PRPSAP2: variants seen among roughly 807,000 people sequenced by gnomAD.
The protein encoded by PRPSAP2 is phosphoribosyl pyrophosphate synthetase associated protein 2, also known as phosphoribosyl pyrophosphate synthase-associated protein 2.
A neutral mutation model predicts 40.6 loss-of-function variants in PRPSAP2; 24 were observed. That is an observed-to-expected ratio of 0.59 (90% confidence interval 0.43 to 0.83). The LOEUF (loss-of-function observed/expected upper bound fraction) is 0.83. Among genes scored for constraint, PRPSAP2 ranks in the 40% least tolerant of loss-of-function variants. The pLI is 0.00. For synonymous variants in PRPSAP2, 149 were observed against 164.7 expected, an observed-to-expected ratio of 0.90 and a Z score of 0.73; for missense variants, 292 against 465.6, an observed-to-expected ratio of 0.63 and a Z score of 3.43.
chr17:18,866,292 C>T lies in PRPSAP2; in HGVS notation c.119+340C>T, dbSNP rs183753161. Among the ~76,000 whole-genome samples, 572 of 152,110 alleles carry T rather than the reference C, an allele frequency of 3.8e-3. 2 individuals are homozygous for T. Among genetic ancestry groups the T allele is most frequent in the Non-Finnish European group, 5.7e-3 (390 of 68,016 alleles). ...GTATAAAGCACACTGGGGCCAGGCG[C>T]GGTGGCTCACGCCTGTAATCCCAGC... is the stretch of plus-strand genomic sequence containing the variant. On this transcript the variant is annotated intron_variant, in intron 3 of 11. Transcript: ENST00000268835.
At chr17:18,876,114 CAA>C (rs754813982) in intron 5 of PRPSAP2, among the ~76,000 whole-genome samples, 2 of 152,160 alleles carry the variant, frequency 1.3e-5, no homozygotes, top group Non-Finnish European at 1.5e-5. Context: ...GCCTGGGCAA[CAA>C]GAGCAGAACT....
intron 5 of PRPSAP2, among the ~76,000 whole-genome samples, chr17:18,873,620 AAC>A (rs1462428433): frequency 2.0e-5 from 3 of 152,258 alleles, no homozygotes; most frequent in Non-Finnish European, 2.9e-5. Context: ...CCCCAAAAGA[AAC>A]AGAGGCTAGG....
chr17:18,902,598 G>A lies in PRPSAP2; in HGVS notation c.585-8505G>A, dbSNP rs903780052. ...AAATATGATTGAAATTGGGCCAGGTGCGGTGTCACACCTGTAATCCCAGCA... is the reference window on the plus strand; with the variant it reads ...AAATATGATTGAAATTGGGCCAGGTACGGTGTCACACCTGTAATCCCAGCA... On this transcript the variant is annotated intron_variant, in intron 8 of 11. Transcript: ENST00000268835. Among the ~76,000 whole-genome samples, 23 of 152,076 alleles carry A rather than the reference G, an allele frequency of 1.5e-4. 1 individual carries two copies. The highest frequency in any genetic ancestry group is 1.3e-4 in the Admixed American group (2 of 15,232).
At chr17:18,876,784 T>C (rs1044681129) in intron 5 of PRPSAP2, among the ~76,000 whole-genome samples, 3 of 151,284 alleles carry the variant, frequency 2.0e-5, no homozygotes, top group Non-Finnish European at 2.9e-5. Flanking sequence ...CTAGAGAAGG[T>C]GAGGGAGAGT....
chr17:18,929,608 ATGTG>A (rs1291713213), intron 11 of PRPSAP2: 1 of 152,032 alleles, frequency 6.6e-6, no homozygotes. Context: ...AGATTATACA[ATGTG>A]TGGTCTTTTG....
chr17:18,909,491 A>T (rs1042131258), intron 8 of PRPSAP2, among the ~76,000 whole-genome samples: 6 of 151,582 alleles, frequency 4.0e-5, no homozygotes, highest in African/African-American at 1.5e-4. Flanking sequence ...TGATCCGCCC[A>T]CCTTGGCCTC....
rs57263191 is a variant in PRPSAP2 at position 18,922,668 on chromosome 17, A to ATTTT, written c.734-1226_734-1223dup. 1.2e-3 allele frequency among the ~76,000 whole-genome samples: 112 copies of ATTTT among 89,804 alleles called. 2 individuals are homozygous for ATTTT. Among genetic ancestry groups the ATTTT allele is most frequent in the Non-Finnish European group, 1.5e-3 (71 of 47,706 alleles). The allele number at this position is 89,804 out of a possible 152,430, so 58.9% of individuals were successfully genotyped here. ...CATATGGCGCATATATATATATATA[A>ATTTT]TTTTTTTTTTTTTTTTTTTTTTTGC... On this transcript the variant is annotated intron_variant, in intron 9 of 11. Transcript: ENST00000268835.
intron 10 of PRPSAP2, among the ~76,000 whole-genome samples, chr17:18,924,360 G>A (rs16964785): frequency 0.048 from 7,279 of 152,262 alleles, 225 homozygotes; most frequent in South Asian, 0.11. Flanking sequence ...TTAATTCTGG[G>A]CATATAAAGG....
At chr17:18,898,885 GTGTTTGTTTGTTTGTT>G (rs55864350) in intron 8 of PRPSAP2, among the ~76,000 whole-genome samples, 5 of 150,740 alleles carry the variant, frequency 3.3e-5, no homozygotes, top group South Asian at 2.1e-4. Context: ...TAAATGTCAG[GTGTTTGTTTGTTTGTT>G]TGTTTGTTTG....
At position 18,891,169 on chromosome 17, in the gene PRPSAP2, T is replaced by C. The variant is rs1197865612; in HGVS notation, c.584+1292T>C. Among the ~76,000 whole-genome samples the C allele has an allele frequency of 2.0e-5, 3 of 152,160 alleles. No individual in the cohort carries two copies. The East Asian group carries it at 5.8e-4, about 29-fold the overall frequency. On this transcript the variant is annotated intron_variant, in intron 8 of 11. Transcript: ENST00000268835. ...GGAATGAAAGAAAGTGTAGGGTGCC[T>C]CCACCCTGGGCTCGTGGGCTGGCAG...
chr17:18,899,817 T>C (rs2040156398), intron 8 of PRPSAP2, among the ~76,000 whole-genome samples: 1 of 152,054 alleles, frequency 6.6e-6, no homozygotes, highest in African/African-American at 2.4e-5. Context: ...ATTACAGGTG[T>C]GAGCCACCAC....
In PRPSAP2 at chr17:18,862,243, C is replaced by T. The variant is rs2037079256; in HGVS notation, c.-128-3226C>T. 1.3e-5 allele frequency among the ~76,000 whole-genome samples: 2 copies of T among 152,212 alleles called. 1 individual carries two copies. Among genetic ancestry groups the T allele is most frequent in the South Asian group, 4.1e-4 (2 of 4,828 alleles). ...ATGGGCCCTCAGCGGATGTGGGCAT[C>T]AGACCCTGGGGCTGTTCAAGCTTCT... On this transcript the variant is annotated intron_variant, in intron 1 of 11. Transcript: ENST00000268835.
intron 4 of PRPSAP2, among the ~76,000 whole-genome samples, chr17:18,872,129 T>C (rs2037931181): frequency 1.3e-5 from 2 of 151,970 alleles, no homozygotes; most frequent in Admixed American, 1.3e-4. Context: ...AACAGTTAGC[T>C]GGATGTGGTG....
chr17:18,905,448 A>G (rs1328209916), intron 8 of PRPSAP2, among the ~76,000 whole-genome samples: 1 of 152,214 alleles, frequency 6.6e-6, no homozygotes, highest in Non-Finnish European at 1.5e-5. Flanking sequence ...AGGATAACTA[A>G]CAGGTCAGTC....
chr17:18,893,185 C>CAA (rs1357813225), intron 8 of PRPSAP2, among the ~76,000 whole-genome samples: 1 of 137,858 alleles, frequency 7.3e-6, no homozygotes, highest in Non-Finnish European at 1.5e-5. Context: ...GACGGAGTCT[C>CAA]AGTCTGTTGC....
At chr17:18,871,648 A>ATTT (rs2037878766) in intron 4 of PRPSAP2, among the ~76,000 whole-genome samples, 1 of 91,290 alleles carries the variant, frequency 1.1e-5, no homozygotes, top group African/African-American at 4.2e-5. Context: ...TGAGTATATA[A>ATTT]TTTTCTTTTT....
chr17:18,861,530 A>G (rs1356369389), intron 1 of PRPSAP2: 1 of 152,150 alleles, frequency 6.6e-6, no homozygotes, highest in African/African-American at 2.4e-5. Flanking sequence ...TGTGAAGTGA[A>G]TAGTCACAAA....
intron 1 of PRPSAP2, among the ~76,000 whole-genome samples, chr17:18,858,793 G>T (rs532386141): frequency 2.0e-5 from 3 of 152,134 alleles, no homozygotes; most frequent in Non-Finnish European, 2.9e-5. Context: ...TGTTAATGTT[G>T]GCTCCGTTTG....
intron 6 of PRPSAP2, among the ~76,000 whole-genome samples, chr17:18,880,305 T>G (rs73979311): frequency 6.6e-6 from 1 of 152,324 alleles, no homozygotes; most frequent in African/African-American, 2.4e-5. Flanking sequence ...AAACAATTTT[T>G]CATACTGAAT....
Sources: gnomAD v4.1 joint callset for allele counts (sites outside exome capture counted in the v4.1 genomes callset) on GRCh38, gnomAD v4.1.1 for gene constraint, MANE v1.5 for transcripts, NCBI Gene and HGNC (gene_info 2026-07-23, HGNC 2026-07-21) for gene names.